Variants in KIF1C observed in about 807,000 individuals in gnomAD.
The protein encoded by KIF1C is kinesin family member 1C, also known as kinesin-like protein KIF1C.
A neutral mutation model predicts 126.5 loss-of-function variants in KIF1C; 61 were observed. The ratio of observed to expected loss-of-function variants is 0.48; its 90% confidence interval spans 0.39 to 0.60. The LOEUF (loss-of-function observed/expected upper bound fraction) is 0.60. KIF1C is among the 20% of genes least tolerant of loss of function. The probability of loss-of-function intolerance (pLI) is 0.00; values close to 1 mark genes in which losing one functional copy is unlikely to be tolerated. For missense variants in KIF1C, 1,315 were observed against 1,489.2 expected, an observed-to-expected ratio of 0.88 and a Z score of 1.93; for synonymous variants, 640 against 580.6, an observed-to-expected ratio of 1.10 and a Z score of -1.47.
At chr17:5,018,343 CT>C (rs886559260) in intron 18 of KIF1C, among the ~76,000 whole-genome samples, 16 of 140,230 alleles carry the variant, frequency 1.1e-4, no homozygotes, top group Non-Finnish European at 2.2e-4. Flanking sequence ...AATTAAATGC[CT>C]TTTTCCCCCC....
At chr17:5,000,168 T>C in intron 2 of KIF1C, 52 bp from the exon 3 acceptor site, 1 of 1,015,662 alleles carries the variant, frequency 9.8e-7, no homozygotes, top group Non-Finnish European at 1.5e-6. Context: ...GGAGGCAATG[T>C]CTGGGTCCCT....
chr17:5,003,478 GGCCTCCTCCCTC>G, intron 8 of KIF1C, 122 bp from the exon 9 acceptor site: 1 of 616,878 alleles, frequency 1.6e-6, no homozygotes, highest in Non-Finnish European at 2.9e-6. Context: ...TGTTTCCCCC[GGCCTCCTCCCTC>G]GCCTCCTCCT....
chr17:5,004,151 G>T, intron 11 of KIF1C, 78 bp downstream of exon 11: 3 of 1,045,968 alleles, frequency 2.9e-6, no homozygotes, highest in Non-Finnish European at 4.5e-6. Context: ...AAATCCCCTT[G>T]CTATGCCGAG....
Position 5,020,414 on chromosome 17 carries a change from A to C in KIF1C, c.1751-78A>C. ...GAGGGTGTCACAGCCCCTGTGCCAG[A>C]TTCTCTATGCCTTGGGTGTAGGGAT... On this transcript the variant is annotated intron_variant, in intron 19 of 22. Coordinates refer to ENST00000320785, the MANE Select transcript of KIF1C (RefSeq NM_006612.6). This position sits in a 1 kb window ranked among gnomAD's most constrained non-coding sequence, Gnocchi z 5.8. The C allele has an allele frequency of 5.0e-6, 7 of 1,413,950 alleles. No homozygotes were observed. In the East Asian group the frequency reaches 1.6e-4, roughly 33 times the overall value. The allele number at this position is 1,413,950 out of a possible 1,614,324, so 87.6% of individuals were successfully genotyped here. A position where few individuals can be genotyped will look rare whatever the true frequency, so the allele number is the denominator to read the frequency against.
intron 16 of KIF1C, among the ~76,000 whole-genome samples, chr17:5,008,069 G>C (rs1974775600): frequency 6.6e-6 from 1 of 152,164 alleles, no homozygotes; most frequent in African/African-American, 2.4e-5. Flanking sequence ...GACTTGGGAA[G>C]TATGGAGGAG....
At chr17:5,005,520 G>A (rs1319299423) in intron 13 of KIF1C, among the ~76,000 whole-genome samples, 1 of 152,212 alleles carries the variant, frequency 6.6e-6, no homozygotes, top group Non-Finnish European at 1.5e-5. Flanking sequence ...TCCCATTGAG[G>A]ATAGTTAGGG....
intron 18 of KIF1C, among the ~76,000 whole-genome samples, chr17:5,015,314 G>A (rs896660240): frequency 7.9e-5 from 12 of 150,994 alleles, no homozygotes; most frequent in Non-Finnish European, 1.3e-4. Context: ...CGGAGTGTTC[G>A]CTCTTGTCGC....
intron 11 of KIF1C, 37 bp from the exon 12 acceptor site, chr17:5,004,530 C>T (rs1309305914): frequency 1.9e-6 from 3 of 1,600,364 alleles, no homozygotes; most frequent in South Asian, 2.2e-5. Flanking sequence ...CTTAGCCCCT[C>T]CCTCAGCTGA....
Position 5,007,524 on chromosome 17 carries a change from C to T in KIF1C, c.1473C>T (p.Gly491=), listed in dbSNP as rs775728965. The change falls in exon 16 of 23, where the codon GGC becomes GGT. Residue 491 remains glycine (G), a synonymous_variant. Transcript: ENST00000320785. ...TCCGGGAGGATGGGGGAACTGTGGGCGTCTTCTCTCCAAAGAAGGTGAGTG... is the reference window on the plus strand; with the variant it reads ...TCCGGGAGGATGGGGGAACTGTGGGTGTCTTCTCTCCAAAGAAGGTGAGTG... ...VAVREDGGTV[G]VFSPKKTPHL... The T allele has an allele frequency of 8.3e-6, 13 of 1,559,754 alleles. No homozygotes were observed. The highest frequency in any genetic ancestry group is 2.4e-5 in the South Asian group (2 of 82,018).
rs752395401 is a variant in KIF1C, at chr17:5,000,200, C to G, written c.-27-20C>G. On this transcript the variant is annotated intron_variant, in intron 2 of 22. Coordinates refer to ENST00000320785, the MANE Select transcript of KIF1C (RefSeq NM_006612.6). ...CCCTGCAGTGGTTCTGACCCCACCA[C>G]TCCTTTCTCTGTCCTCCAGCTGAGG... is the stretch of plus-strand genomic sequence containing the variant. 6 of 1,407,606 alleles carry G rather than the reference C, an allele frequency of 4.3e-6. No individual in the cohort carries two copies. The highest frequency in any genetic ancestry group is 1.4e-5 in the African/African-American group (1 of 70,250). 87.2% of individuals were successfully genotyped at this position (1,407,606 alleles called of 1,614,324 possible). A position where few individuals can be genotyped will look rare whatever the true frequency, so the allele number is the denominator to read the frequency against.
intron 21 of KIF1C, among the ~76,000 whole-genome samples, chr17:5,021,225 C>T (rs573982688): frequency 1.8e-4 from 22 of 120,430 alleles, no homozygotes; most frequent in East Asian, 1.7e-3. Context: ...CAGGCTGGAA[C>T]GCAGTGGGAT....
chr17:5,001,275 A>T lies in KIF1C; in HGVS notation c.237A>T (p.Glu79Asp). The change falls in exon 5 of 23, where the codon GAA (glutamate) becomes GAT (aspartate). Residue 79 changes from glutamate (E) to aspartate (D), a missense_variant. By Grantham distance (45) the Glu-to-Asp change is conservative. Coordinates refer to ENST00000320785, the MANE Select transcript of KIF1C (RefSeq NM_006612.6). ...AGCAAGTGTATCGGGACATTGGAGA[A>T]GAGATGCTGCTCCACGCCTTTGAAG... ...SQQQVYRDIG[E>D]EMLLHAFEGY... is the part of the protein sequence containing the mutation. 6.2e-7 allele frequency: 1 copy of T among 1,614,118 alleles called. No individual in the cohort carries two copies. Among genetic ancestry groups the T allele is most frequent in the Non-Finnish European group, 8.5e-7 (1 of 1,179,960 alleles).
At chr17:5,012,495 G>C (rs900612161) in intron 16 of KIF1C, among the ~76,000 whole-genome samples, 3 of 152,108 alleles carry the variant, frequency 2.0e-5, no homozygotes, top group Admixed American at 1.3e-4. Flanking sequence ...GCCTGGGAGG[G>C]GGGCTTGGAC....
In KIF1C at chr17:5,022,818, T is replaced by G. The variant is rs960606553; in HGVS notation, c.2628+109T>G. On this transcript the variant is annotated intron_variant, in intron 22 of 22. Coordinates refer to ENST00000320785, the MANE Select transcript of KIF1C (RefSeq NM_006612.6). This position sits in a 1 kb window ranked among gnomAD's most constrained non-coding sequence, Gnocchi z 4.9. Reference sequence around the variant, plus strand: ...TTCCCCAAGTCTGGAAAAAATTGCATTGAAGTATAGTACGTTTTTTTCAAT... The same window carrying G: ...TTCCCCAAGTCTGGAAAAAATTGCAGTGAAGTATAGTACGTTTTTTTCAAT... The G allele has an allele frequency of 1.5e-6, 2 of 1,367,424 alleles. No individual in the cohort carries two copies. The highest frequency in any genetic ancestry group is 2.9e-5 in the African/African-American group (2 of 68,354). 84.7% of individuals were successfully genotyped at this position (1,367,424 alleles called of 1,614,324 possible). A position where few individuals can be genotyped will look rare whatever the true frequency, so the allele number is the denominator to read the frequency against.
chr17:5,007,691 ACCT>A (rs1171075417), intron 16 of KIF1C, 149 bp downstream of exon 16: 2 of 540,254 alleles, frequency 3.7e-6, no homozygotes, highest in Non-Finnish European at 6.3e-6. Context: ...CTCCCCTGCC[ACCT>A]CCTCTCCGTC....
At position 5,002,231 on chromosome 17, in the gene KIF1C, T is replaced by C. The variant is rs895690410; in HGVS notation, c.429+107T>C. The stretch of plus-strand genomic sequence containing the variant: ...AATCCTGGCTCTGCTGGTTACTGAC[T>C]GTGACTTTGGGGCAGTGATTCTGTC... On this transcript the variant is annotated intron_variant, in intron 6 of 22. Transcript: ENST00000320785. 4.3e-6 allele frequency: 5 copies of C among 1,156,694 alleles called. No homozygotes were observed. In the African/African-American group the frequency reaches 7.6e-5, roughly 18 times the overall value. 71.7% of individuals were successfully genotyped at this position (1,156,694 alleles called of 1,614,324 possible).
chr17:5,006,601 G>T (rs1453772467), intron 13 of KIF1C, among the ~76,000 whole-genome samples: 2 of 152,180 alleles, frequency 1.3e-5, no homozygotes, highest in Non-Finnish European at 2.9e-5. Flanking sequence ...CTCCCAAAGT[G>T]CTGGGATTAC....
Position 5,022,823 on chromosome 17 carries a change from G to T in KIF1C, c.2628+114G>T. 1.5e-6 allele frequency: 2 copies of T among 1,344,500 alleles called. No individual in the cohort carries two copies. Among genetic ancestry groups the T allele is most frequent in the Non-Finnish European group, 1.9e-6 (2 of 1,040,182 alleles). The allele number at this position is 1,344,500 out of a possible 1,614,324, so 83.3% of individuals were successfully genotyped here. A position where few individuals can be genotyped will look rare whatever the true frequency, so the allele number is the denominator to read the frequency against. The stretch of plus-strand genomic sequence containing the variant: ...CAAGTCTGGAAAAAATTGCATTGAA[G>T]TATAGTACGTTTTTTTCAATATTGT... On this transcript the variant is annotated intron_variant, in intron 22 of 22. Transcript: ENST00000320785. The surrounding 1 kb of genome is among the most constrained non-coding windows in gnomAD (Gnocchi z 4.9).
intron 18 of KIF1C, among the ~76,000 whole-genome samples, chr17:5,015,258 G>A (rs1974947902): frequency 6.6e-6 from 1 of 151,920 alleles, no homozygotes; most frequent in African/African-American, 2.4e-5. Context: ...TATGACTGCC[G>A]AGATTTCTTT....
Sources: gnomAD v4.1 joint callset for allele counts (sites outside exome capture counted in the v4.1 genomes callset) on GRCh38, gnomAD v4.1.1 for gene constraint, Gnocchi (gnomAD v3.1) non-coding constraint, MANE v1.5 for transcripts, NCBI Gene and HGNC (gene_info 2026-07-23, HGNC 2026-07-21) for gene names.